Variants in PDE12 observed in about 807,000 individuals in gnomAD.
PDE12 encodes the protein phosphodiesterase 12, also known as 2',5'-phosphodiesterase 12.
In PDE12, 26 loss-of-function variants were observed where a neutral mutation model predicts 45.4. The ratio of observed to expected loss-of-function variants is 0.57; its 90% CI spans 0.42 to 0.79. PDE12 has a LOEUF of 0.79. Ranked by LOEUF, PDE12 falls within the 30% of genes least tolerant of loss-of-function variation. The pLI, the probability that PDE12 is intolerant of heterozygous loss-of-function variation, is 0.00. For missense variants in PDE12, 668 were observed against 790.0 expected, an observed-to-expected ratio of 0.85 and a Z score of 1.85; for synonymous variants, 283 against 323.9, an observed-to-expected ratio of 0.87 and a Z score of 1.36.
chr3:57,573,555 G>C, the PDE12 span, among the ~76,000 whole-genome samples: 2 of 152,154 alleles, frequency 1.3e-5, no homozygotes, highest in African/African-American at 2.4e-5. Flanking sequence ...ATCATTTACA[G>C]TTAGTGTTGC....
the PDE12 span, among the ~76,000 whole-genome samples, chr3:57,629,943 T>C: frequency 3.9e-5 from 6 of 152,198 alleles, no homozygotes; most frequent in Admixed American, 2.6e-4. Flanking sequence ...TGCTGGTAAA[T>C]ATTTAACAAG....
chr3:57,633,891 C>CA, the PDE12 span, among the ~76,000 whole-genome samples: 82 of 130,754 alleles, frequency 6.3e-4, no homozygotes, highest in Admixed American at 1.4e-3. Flanking sequence ...AACTCCATCT[C>CA]AAAAAAAAAA....
At chr3:57,559,258 CAGG>C in intron 1 of PDE12, 49 bp from the exon 2 acceptor site, 1 of 1,385,636 alleles carries the variant, frequency 7.2e-7, no homozygotes, top group Non-Finnish European at 1.0e-6. Flanking sequence ...CAAAAACATT[CAGG>C]AGATTTGCAA....
the PDE12 span, among the ~76,000 whole-genome samples, chr3:57,604,911 C>T: frequency 6.6e-6 from 1 of 152,036 alleles, no homozygotes; most frequent in Non-Finnish European, 1.5e-5. Context: ...CCATGCCAGC[C>T]AAGACTCCAT....
the PDE12 span, among the ~76,000 whole-genome samples, chr3:57,623,551 C>T: frequency 2.0e-5 from 3 of 151,998 alleles, no homozygotes; most frequent in Admixed American, 6.6e-5. Context: ...TGGTGGCGCA[C>T]GCCTGTAATC....
chr3:57,598,932 A>G, the PDE12 span, among the ~76,000 whole-genome samples: 3 of 152,326 alleles, frequency 2.0e-5, no homozygotes, highest in Non-Finnish European at 2.9e-5. Context: ...ACCTTCTTGT[A>G]TCCTTTTGTG....
At chr3:57,572,997 T>TCGAG in the PDE12 span, among the ~76,000 whole-genome samples, 7 of 151,552 alleles carry the variant, frequency 4.6e-5, no homozygotes, top group African/African-American at 1.7e-4. Flanking sequence ...GGTCAGGAGA[T>TCGAG]CGAGACCTTC....
At chr3:57,648,528 T>C in the PDE12 span, among the ~76,000 whole-genome samples, 3,653 of 152,120 alleles carry the variant, frequency 0.024, 68 homozygotes, top group Non-Finnish European at 0.035. Context: ...CTAAAATTCA[T>C]ATGGAACCAA....
chr3:57,580,780 T>A, the PDE12 span, among the ~76,000 whole-genome samples: 1 of 151,488 alleles, frequency 6.6e-6, no homozygotes, highest in Non-Finnish European at 1.5e-5. Flanking sequence ...TATTCTTTTT[T>A]TTTTTTTTTA....
chr3:57,568,960 C>G (rs2069810777), downstream of PDE12, among the ~76,000 whole-genome samples: 1 of 151,760 alleles, frequency 6.6e-6, no homozygotes, highest in Non-Finnish European at 1.5e-5. Flanking sequence ...AAGGGAATCA[C>G]AATTTCTCTT....
At chr3:57,640,098 G>A in the PDE12 span, among the ~76,000 whole-genome samples, 45 of 151,444 alleles carry the variant, frequency 3.0e-4, 1 homozygote, top group South Asian at 1.5e-3. Context: ...GTGAAACCCC[G>A]TCTCTACTAA....
chr3:57,570,217 G>GTATT (rs2069824032), downstream of PDE12, among the ~76,000 whole-genome samples: 1 of 65,322 alleles, frequency 1.5e-5, no homozygotes, highest in Non-Finnish European at 2.9e-5. Flanking sequence ...GGTTAATCCA[G>GTATT]TGTTTTTTTT....
the PDE12 span, among the ~76,000 whole-genome samples, chr3:57,617,900 G>T: frequency 1.3e-5 from 2 of 151,622 alleles, no homozygotes; most frequent in Non-Finnish European, 2.9e-5. Context: ...AAACCATAGT[G>T]GATTGGATAA....
the PDE12 span, chr3:57,631,144 G>C: frequency 1.7e-6 from 1 of 595,016 alleles, no homozygotes; most frequent in Non-Finnish European, 3.0e-6. Context: ...GACTGACTTG[G>C]GAAGTCAGAT....
At chr3:57,609,237 T>C in the PDE12 span, among the ~76,000 whole-genome samples, 27 of 152,134 alleles carry the variant, frequency 1.8e-4, no homozygotes, top group Non-Finnish European at 2.9e-4. Context: ...TTTAAAGCAG[T>C]GTGTAGAGGG....
At chr3:57,603,902 G>T in the PDE12 span, among the ~76,000 whole-genome samples, 13 of 149,492 alleles carry the variant, frequency 8.7e-5, no homozygotes, top group African/African-American at 2.7e-4. Context: ...GATTACAGGC[G>T]TGAGCCACTG....
chr3:57,584,405 C>T, the PDE12 span: 1 of 1,612,748 alleles, frequency 6.2e-7, no homozygotes, highest in Admixed American at 1.7e-5. Flanking sequence ...ATGGTGGTGA[C>T]TATCTCCCCT....
chr3:57,636,575 G>A, the PDE12 span, among the ~76,000 whole-genome samples: 1 of 152,120 alleles, frequency 6.6e-6, no homozygotes, highest in East Asian at 1.9e-4. Context: ...GAGTGTCCTG[G>A]CCAAAGAAGA....
chr3:57,571,081 G>T (rs2069837883), downstream of PDE12, among the ~76,000 whole-genome samples: 1 of 151,608 alleles, frequency 6.6e-6, no homozygotes, highest in Admixed American at 6.6e-5. Context: ...ATTCTCAAGT[G>T]ACCCTCCTGC....
Sources: gnomAD v4.1 joint callset for allele counts (sites outside exome capture counted in the v4.1 genomes callset) on GRCh38, gnomAD v4.1.1 for gene constraint, MANE v1.5 for transcripts, NCBI Gene and HGNC (gene_info 2026-07-23, HGNC 2026-07-21) for gene names.